The following LTBP1 variants were observed in gnomAD, a reference collection of about 807,000 sequenced individuals.
LTBP1 encodes the protein latent transforming growth factor beta binding protein 1, also known as latent-transforming growth factor beta-binding protein 1.
In LTBP1, 129 loss-of-function variants were observed where a neutral mutation model predicts 207.6. That is an observed-to-expected ratio of 0.62 (90% CI 0.54 to 0.72). The LOEUF is 0.72. LTBP1 is among the 30% of genes least tolerant of loss of function. The pLI is 0.00. For synonymous variants in LTBP1, 963 were observed against 833.7 expected (o/e 1.16, Z -2.67); for missense variants, 2,281 against 2,217.2 (o/e 1.03, Z -0.58).
At chr2:33,344,682 T>G (rs1273361895) in intron 25 of LTBP1, among the ~76,000 whole-genome samples, 1 of 152,132 alleles carries the variant, frequency 6.6e-6, no homozygotes, top group East Asian at 1.9e-4. Flanking sequence ...CTTACAACCT[T>G]TGGGGGAATA....
In LTBP1 at chr2:33,028,637, C is replaced by CCAG. The variant is rs1345185559; in HGVS notation, c.863+7432_863+7434dup. 4.6e-5 allele frequency among the ~76,000 whole-genome samples: 7 copies of CCAG among 152,188 alleles called. No homozygotes were observed. In the East Asian group the frequency reaches 1.3e-3, roughly 29 times the overall value. On this transcript the variant is annotated intron_variant, in intron 3 of 33. Coordinates refer to ENST00000404816, the MANE Select transcript of LTBP1 (RefSeq NM_206943.4). ...TAATCATCCTGGTCACCATCCCAGG[C>CCAG]CAGTAAGTAGTTCAGCTATTCAAGT...
At chr2:33,222,534 A>G (rs747379189) in intron 9 of LTBP1, among the ~76,000 whole-genome samples, 2 of 152,214 alleles carry the variant, frequency 1.3e-5, no homozygotes, top group African/African-American at 2.4e-5. Flanking sequence ...TGGTTGGGCA[A>G]CAGAATTCCC....
chr2:33,243,846 G>C, intron 10 of LTBP1, 62 bp downstream of exon 10: 1 of 1,588,858 alleles, frequency 6.3e-7, no homozygotes, highest in Non-Finnish European at 8.6e-7. Context: ...TTTTCCAAAA[G>C]AACGGAAATA....
chr2:33,279,943 A>C (rs934459597), intron 18 of LTBP1, 96 bp from the exon 19 acceptor site: 2 of 1,310,080 alleles, frequency 1.5e-6, no homozygotes, highest in African/African-American at 2.9e-5. Flanking sequence ...TGAAATGTAG[A>C]TATAACATGC....
intron 9 of LTBP1, among the ~76,000 whole-genome samples, chr2:33,237,231 A>G (rs1327557677): frequency 4.6e-5 from 7 of 152,222 alleles, no homozygotes; most frequent in Non-Finnish European, 1.0e-4. Context: ...AGAAAAACCA[A>G]GTTAAACACA....
intron 5 of LTBP1, among the ~76,000 whole-genome samples, chr2:33,169,055 T>C (rs941065840): frequency 2.0e-5 from 3 of 152,226 alleles, no homozygotes; most frequent in South Asian, 2.1e-4. Flanking sequence ...AAAGGAGTTG[T>C]AGTCGGGCCT....
At chr2:33,199,875 A>G (rs1392559437) in intron 7 of LTBP1, among the ~76,000 whole-genome samples, 6 of 152,234 alleles carry the variant, frequency 3.9e-5, no homozygotes, top group Non-Finnish European at 8.8e-5. Flanking sequence ...CCCATTCACA[A>G]TTGCTTCCAA....
chr2:33,204,120 T>C (rs1397528954), intron 7 of LTBP1, among the ~76,000 whole-genome samples: 4 of 152,236 alleles, frequency 2.6e-5, no homozygotes, highest in Non-Finnish European at 2.9e-5. Context: ...AGCAACATTT[T>C]TTGCCGTATA....
chr2:33,310,418 A>G (rs1401134117), intron 23 of LTBP1, among the ~76,000 whole-genome samples: 1 of 152,238 alleles, frequency 6.6e-6, no homozygotes, highest in Non-Finnish European at 1.5e-5. Context: ...AATAATAACA[A>G]TCACAGCAGC....
chr2:32,980,821 T>C lies in LTBP1; in HGVS notation c.565+31876T>C, dbSNP rs530034789. On this transcript the variant is annotated intron_variant, in intron 2 of 33. Transcript: ENST00000404816. ...TGGGAAAGTCTTTATTTCTCCTTCA[T>C]GTTTGAAGGATATTTTTGCCATAGA... Among the ~76,000 whole-genome samples, 11 of 152,300 alleles carry C rather than the reference T, an allele frequency of 7.2e-5. No individual in the cohort carries two copies. The South Asian group carries it at 2.3e-3, about 32-fold the overall frequency.
intron 2 of LTBP1, among the ~76,000 whole-genome samples, chr2:33,006,307 G>C (rs543808541): frequency 1.2e-4 from 18 of 151,556 alleles, no homozygotes; most frequent in Admixed American, 6.6e-4. Flanking sequence ...GTCTCACTCA[G>C]ATCAGAGATT....
chr2:33,341,642 T>A (rs1027296146), intron 24 of LTBP1, among the ~76,000 whole-genome samples: 5 of 142,318 alleles, frequency 3.5e-5, no homozygotes, highest in African/African-American at 5.4e-5. Context: ...ACCTGGGAGG[T>A]GGAGCTTGCA....
chr2:33,301,626 C>T lies in LTBP1; in HGVS notation c.3463C>T (p.Leu1155Phe). ...VCDQGYRASG[L>F]GDHCEDINEC... is the part of the protein sequence containing the mutation. ...TGACCAGGGTTACAGAGCATCTGGG[C>T]TTGGAGACCACTGTGAAGGTAAGAA... Residue 1155 changes from leucine to phenylalanine, a missense_variant, in exon 22 of 34, where the codon CTT (leucine) becomes TTT (phenylalanine). By Grantham distance (22) the Leu-to-Phe change is conservative. This residue lies in a region of LTBP1 where 1,671 missense variants were observed against 1,634.8 expected (regional missense o/e 1.02). Coordinates refer to ENST00000404816, the MANE Select transcript of LTBP1 (RefSeq NM_206943.4). The T allele has an allele frequency of 5.0e-6, 8 of 1,605,502 alleles. No homozygotes were observed. Among genetic ancestry groups the T allele is most frequent in the South Asian group, 2.2e-5 (2 of 89,344 alleles).
chr2:33,315,227 C>T lies in LTBP1; in HGVS notation c.3688C>T (p.Gln1230Ter), dbSNP rs1452120733. The change falls in exon 24 of 34, where the codon CAG becomes TAG. Residue 1230 changes from glutamine (Q) to a stop codon, truncating the protein, a stop_gained. Transcript: ENST00000404816. LOFTEE classifies it high-confidence loss of function. ...AGAGGGTTCTTTCCATTGTGTCTGC[C>T]AGCAGGGTTTCTCAATCTCTGCAGA... ...NTEGSFHCVC[Q>*]QGFSISADGR... 6.2e-7 allele frequency: 1 copy of T among 1,613,746 alleles called. No individual in the cohort carries two copies. The highest frequency in any genetic ancestry group is 2.2e-5 in the East Asian group (1 of 44,862).
intron 24 of LTBP1, among the ~76,000 whole-genome samples, chr2:33,328,438 A>G (rs1573862478): frequency 6.6e-6 from 1 of 152,176 alleles, no homozygotes; most frequent in African/African-American, 2.4e-5. Flanking sequence ...TTTATAAAGG[A>G]AAGAGGTTTA....
chr2:33,113,613 T>G (rs1200003216), intron 4 of LTBP1, among the ~76,000 whole-genome samples: 1 of 152,240 alleles, frequency 6.6e-6, no homozygotes, highest in Admixed American at 6.5e-5. Context: ...TTTTCCTAAT[T>G]TGATTCTGTA....
intron 2 of LTBP1, among the ~76,000 whole-genome samples, chr2:32,988,649 C>T (rs552996530): frequency 3.3e-5 from 5 of 152,178 alleles, no homozygotes; most frequent in African/African-American, 9.7e-5. Flanking sequence ...GTAACAAGCA[C>T]GAGACTTATT....
chr2:33,339,235 G>A (rs2094588000), intron 24 of LTBP1, among the ~76,000 whole-genome samples: 1 of 152,032 alleles, frequency 6.6e-6, no homozygotes, highest in South Asian at 2.1e-4. Flanking sequence ...GTTGAGATGA[G>A]GAGGGGAGTG....
chr2:33,018,867 A>ATT (rs200416811), intron 2 of LTBP1, among the ~76,000 whole-genome samples: 7 of 146,738 alleles, frequency 4.8e-5, no homozygotes, highest in South Asian at 2.1e-4. Flanking sequence ...AGCTGGCTCC[A>ATT]TTTTTTTTTT....
Sources: allele counts gnomAD v4.1 joint callset (sites outside exome capture counted in the v4.1 genomes callset), GRCh38; gene constraint gnomAD v4.1.1; regional missense constraint gnomAD v4.1.1; transcripts MANE v1.5; gene names NCBI Gene and HGNC (gene_info 2026-07-23, HGNC 2026-07-21).